Variants in GNA14 observed in about 807,000 individuals in gnomAD.
The protein encoded by GNA14 is guanine nucleotide-binding protein subunit alpha-14.
GNA14 carries 50 observed loss-of-function variants against 42.0 expected under a neutral mutation model. That is an observed-to-expected ratio of 1.19 (90% CI 0.95 to 1.51). GNA14 has a LOEUF of 1.51. Among genes scored for constraint, GNA14 ranks in the 40% most tolerant of loss-of-function variants. The pLI, the probability that GNA14 is intolerant of heterozygous loss-of-function variation, is 0.00. For missense variants in GNA14, 473 were observed against 446.2 expected (o/e 1.06, Z -0.54); for synonymous variants, 173 against 163.1 (o/e 1.06, Z -0.46).
At chr9:77,633,610 A>C (rs1340418055) in intron 1 of GNA14, among the ~76,000 whole-genome samples, 2 of 152,046 alleles carry the variant, frequency 1.3e-5, no homozygotes, top group Admixed American at 6.5e-5. Context: ...ATGATAGATA[A>C]ATTTAGCAAT....
At chr9:77,542,515 G>C (rs1837673087) in intron 1 of GNA14, among the ~76,000 whole-genome samples, 1 of 152,178 alleles carries the variant, frequency 6.6e-6, no homozygotes. Context: ...AGGGCTTCCA[G>C]TTGGCTTGCT....
chr9:77,425,646 C>A lies in GNA14; in HGVS notation c.793G>T (p.Val265Leu). Residue 265 changes from valine to leucine, a missense_variant, in exon 6 of 7, where the codon GTG (valine) becomes TTG (leucine). Transcript: ENST00000341700. The part of the protein sequence containing the change: ...ITYPWFLNSS[V>L]ILFLNKKDLL... Reference sequence around the variant, plus strand: ...TCCTTCTTGTTCAAGAATAAAATCACAGACGAATTCAGAAACCAGGGGTAG... The same window carrying A: ...TCCTTCTTGTTCAAGAATAAAATCAAAGACGAATTCAGAAACCAGGGGTAG... The A allele has an allele frequency of 6.2e-7, 1 of 1,607,682 alleles. No individual in the cohort carries two copies. The highest frequency in any genetic ancestry group is 1.3e-5 in the African/African-American group (1 of 74,888).
At chr9:77,432,524 C>T (rs1485665565) in intron 3 of GNA14, among the ~76,000 whole-genome samples, 2 of 152,158 alleles carry the variant, frequency 1.3e-5, no homozygotes, top group African/African-American at 2.4e-5. Flanking sequence ...CAGTGCCTGG[C>T]GCATCACAAG....
rs202106829 is a variant in GNA14, at chr9:77,644,383, G to A, written c.124+3287C>T. Among the ~76,000 whole-genome samples the A allele has an allele frequency of 4.9e-5, 7 of 142,350 alleles. No individual in the cohort carries two copies. The East Asian group carries it at 1.3e-3, about 27-fold the overall frequency. 93.4% of individuals were successfully genotyped at this position (142,350 alleles called of 152,430 possible). ...GTGGGAGGATGCTTGAGCCCAGGAG[G>A]TCAAGGCCGTAGGAAGCCGTGACTG... is the stretch of plus-strand genomic sequence containing the variant. On this transcript the variant is annotated intron_variant, in intron 1 of 6. Coordinates refer to ENST00000341700, the MANE Select transcript of GNA14 (RefSeq NM_004297.4).
rs1375911772 is a variant in GNA14 at position 77,431,374 on chromosome 9, C to T, written c.540G>A (p.Val180=). ...GATACTCAATGATGCCGGTGGTGGGCACTCGGACGCGAAGCACATCTTGTT... is the reference window on the plus strand; with the variant it reads ...GATACTCAATGATGCCGGTGGTGGGTACTCGGACGCGAAGCACATCTTGTT... ...PTQQDVLRVR[V]PTTGIIEYPF... is the part of the protein sequence containing the mutation. The change falls in exon 4 of 7, where the codon GTG becomes GTA. Residue 180 remains valine (V), a synonymous_variant. Coordinates refer to ENST00000341700, the MANE Select transcript of GNA14 (RefSeq NM_004297.4). 6.2e-7 allele frequency: 1 copy of T among 1,613,386 alleles called. No homozygotes were observed. The highest frequency in any genetic ancestry group is 8.5e-7 in the Non-Finnish European group (1 of 1,179,606).
Position 77,641,102 on chromosome 9 carries a change from AAGGAAGGAAGGAAGGAAGGAAG to A in GNA14, c.124+6546_124+6567del, listed in dbSNP as rs1824257776. On this transcript the variant is annotated intron_variant, in intron 1 of 6. Coordinates refer to ENST00000341700, the MANE Select transcript of GNA14 (RefSeq NM_004297.4). ...GAGGGGAGGGGAGGGGAGGGGGGGG[AAGGAAGGAAGGAAGGAAGGAAG>A]GAAGGAAGGAAGGAAGGAAGGAAGG... Among the ~76,000 whole-genome samples, 21 of 1,048 alleles carry A rather than the reference AAGGAAGGAAGGAAGGAAGGAAG, an allele frequency of 0.02. 2 individuals are homozygous for A. The East Asian group carries it at 0.27, about 13-fold the overall frequency. 0.7% of individuals were successfully genotyped at this position (1,048 alleles called of 152,430 possible).
intron 2 of GNA14, among the ~76,000 whole-genome samples, chr9:77,513,114 C>G (rs1252881518): frequency 6.6e-6 from 1 of 152,178 alleles, no homozygotes; most frequent in African/African-American, 2.4e-5. Flanking sequence ...AGCTGGATCC[C>G]AGCCAGGGAC....
chr9:77,515,983 A>AAAAAAAAAAAAAAAAC lies in GNA14; in HGVS notation c.309+13085_309+13086insGTTTTTTTTTTTTTTT, dbSNP rs1276481734. On this transcript the variant is annotated intron_variant, in intron 2 of 6. Transcript: ENST00000341700. ...CACAAAAAAAAAAAAAAAAAAAAAA[A>AAAAAAAAAAAAAAAAC]CCCAGAGCAGGAAGAGACAGCCATG... Among the ~76,000 whole-genome samples, 23 of 145,436 alleles carry AAAAAAAAAAAAAAAAC rather than the reference A, an allele frequency of 1.6e-4. 1 individual carries two copies. In the East Asian group the frequency reaches 2.0e-3, roughly 13 times the overall value.
intron 2 of GNA14, among the ~76,000 whole-genome samples, chr9:77,474,314 TAAG>T (rs1564025069): frequency 3.9e-5 from 6 of 152,130 alleles, no homozygotes; most frequent in Admixed American, 3.9e-4. Flanking sequence ...AAGAAAAGAA[TAAG>T]AATGCAATTT....
chr9:77,559,479 G>A (rs1822845379), intron 1 of GNA14, among the ~76,000 whole-genome samples: 1 of 152,182 alleles, frequency 6.6e-6, no homozygotes, highest in African/African-American at 2.4e-5. Context: ...CTGACACTTT[G>A]ATGGAGAAGA....
chr9:77,466,146 G>C (rs1234832300), intron 2 of GNA14, among the ~76,000 whole-genome samples: 1 of 152,096 alleles, frequency 6.6e-6, no homozygotes, highest in Non-Finnish European at 1.5e-5. Flanking sequence ...TGGATGCTTC[G>C]ATTAGTGTTT....
chr9:77,486,093 T>C (rs1229110345), intron 2 of GNA14, among the ~76,000 whole-genome samples: 4 of 152,242 alleles, frequency 2.6e-5, no homozygotes, highest in Non-Finnish European at 4.4e-5. Flanking sequence ...CTTCTTCCAA[T>C]AGAAGGCTGT....
intron 2 of GNA14, among the ~76,000 whole-genome samples, chr9:77,436,089 C>T (rs1036562480): frequency 7.9e-5 from 12 of 152,198 alleles, no homozygotes; most frequent in Admixed American, 6.5e-4. Flanking sequence ...GAGGATCTTA[C>T]ACATCCACCT....
At chr9:77,470,888 A>C (rs1836318941) in intron 2 of GNA14, among the ~76,000 whole-genome samples, 1 of 152,170 alleles carries the variant, frequency 6.6e-6, no homozygotes, top group African/African-American at 2.4e-5. Flanking sequence ...AAACCATCAG[A>C]TCTCAGGAGA....
intron 1 of GNA14, among the ~76,000 whole-genome samples, chr9:77,621,135 C>T (rs1171818333): frequency 1.3e-5 from 2 of 151,926 alleles, no homozygotes; most frequent in Non-Finnish European, 2.9e-5. Context: ...AGTTTTGCCA[C>T]GTTGACCAGG....
intron 1 of GNA14, among the ~76,000 whole-genome samples, chr9:77,551,378 A>G (rs919406674): frequency 2.6e-5 from 4 of 152,172 alleles, no homozygotes; most frequent in Non-Finnish European, 5.9e-5. Context: ...GTGGTCAACC[A>G]CTGGCATAAA....
chr9:77,523,019 T>C (rs577655643), intron 2 of GNA14, among the ~76,000 whole-genome samples: 2 of 152,320 alleles, frequency 1.3e-5, no homozygotes, highest in Non-Finnish European at 2.9e-5. Flanking sequence ...CAACTGGATT[T>C]TGAATGCAGC....
At chr9:77,543,203 AG>A (rs1837680223) in intron 1 of GNA14, among the ~76,000 whole-genome samples, 1 of 152,172 alleles carries the variant, frequency 6.6e-6, no homozygotes, top group East Asian at 1.9e-4. Flanking sequence ...TAGTCCTTTG[AG>A]GATTGTGCTT....
chr9:77,424,892 G>T (rs972853663), intron 6 of GNA14, among the ~76,000 whole-genome samples: 10 of 152,124 alleles, frequency 6.6e-5, no homozygotes, highest in African/African-American at 2.4e-4. Context: ...AAAGGGGAAA[G>T]AAGAGTGCTA....
Sources: gnomAD v4.1 joint callset for allele counts (sites outside exome capture counted in the v4.1 genomes callset) on GRCh38, gnomAD v4.1.1 for gene constraint, MANE v1.5 for transcripts, NCBI Gene and HGNC (gene_info 2026-07-23, HGNC 2026-07-21) for gene names.